CLDN10: variants seen among roughly 807,000 people sequenced by gnomAD.
The protein encoded by CLDN10 is claudin-10.
In CLDN10, 15 loss-of-function variants were observed where a neutral mutation model predicts 22.9. That is an observed-to-expected ratio of 0.65 (90% confidence interval 0.44 to 1.01). The LOEUF (loss-of-function observed/expected upper bound fraction) is 1.01. Among genes scored for constraint, CLDN10 ranks in the 50% least tolerant of loss-of-function variants. The probability of loss-of-function intolerance (pLI) is 0.00; values close to 1 mark genes in which losing one functional copy is unlikely to be tolerated. For synonymous variants in CLDN10, 114 were observed against 111.4 expected, an observed-to-expected ratio of 1.02 and a Z score of -0.15; for missense variants, 247 against 287.8, an observed-to-expected ratio of 0.86 and a Z score of 1.03.
chr13:95,513,806 A>T (rs2043132314), intron 1 of CLDN10, among the ~76,000 whole-genome samples: 1 of 152,222 alleles, frequency 6.6e-6, no homozygotes, highest in Non-Finnish European at 1.5e-5. Context: ...CTATAGAGAT[A>T]AACACAAAAA....
intron 3 of CLDN10, among the ~76,000 whole-genome samples, chr13:95,574,402 A>T (rs1259344706): frequency 6.6e-6 from 1 of 152,254 alleles, no homozygotes; most frequent in Non-Finnish European, 1.5e-5. Flanking sequence ...TTTGTCTCCA[A>T]CATAATTCAC....
intron 1 of CLDN10, among the ~76,000 whole-genome samples, chr13:95,520,521 C>T (rs112235153): frequency 0.023 from 3,440 of 152,126 alleles, 135 homozygotes; most frequent in African/African-American, 0.078. Flanking sequence ...TTACAGGTGC[C>T]GGCTTCCATG....
intron 1 of CLDN10, among the ~76,000 whole-genome samples, chr13:95,515,622 T>C (rs747015468): frequency 1.3e-4 from 20 of 152,156 alleles, no homozygotes; most frequent in Non-Finnish European, 1.9e-4. Flanking sequence ...CTGAAAAGTC[T>C]TGGATTCACC....
At chr13:95,530,755 C>T (rs2043333797) in intron 1 of CLDN10, among the ~76,000 whole-genome samples, 1 of 152,006 alleles carries the variant, frequency 6.6e-6, no homozygotes, top group Non-Finnish European at 1.5e-5. Flanking sequence ...ATTCACTGAT[C>T]TTTACAATAC....
At chr13:95,473,160 GGA>G (rs71207423) in intron 1 of CLDN10, among the ~76,000 whole-genome samples, 18,599 of 122,342 alleles carry the variant, frequency 0.15, 2,681 homozygotes, top group African/African-American at 0.42. Context: ...AAAAAAAAAA[GGA>G]GAGAGAGAGA....
intron 1 of CLDN10, among the ~76,000 whole-genome samples, chr13:95,489,288 A>G (rs771391005): frequency 8.6e-5 from 13 of 152,020 alleles, no homozygotes; most frequent in African/African-American, 1.2e-4. Flanking sequence ...ACTGTTTTCC[A>G]TAGTGGCTGT....
At chr13:95,567,903 G>A (rs1254283681) in intron 3 of CLDN10, among the ~76,000 whole-genome samples, 3 of 152,180 alleles carry the variant, frequency 2.0e-5, no homozygotes, top group Non-Finnish European at 4.4e-5. Context: ...CGTTGGTTCT[G>A]TTTATGTGAT....
At chr13:95,570,972 A>G (rs921543544) in intron 3 of CLDN10, among the ~76,000 whole-genome samples, 2 of 150,812 alleles carry the variant, frequency 1.3e-5, no homozygotes, top group Admixed American at 6.6e-5. Flanking sequence ...ACAATTTGTA[A>G]CATATTATGT....
At chr13:95,475,424 G>T (rs879678645) in intron 1 of CLDN10, among the ~76,000 whole-genome samples, 1 of 152,206 alleles carries the variant, frequency 6.6e-6, no homozygotes, top group Non-Finnish European at 1.5e-5. Context: ...GGGAGATGAG[G>T]CTCTGCAACC....
intron 1 of CLDN10, among the ~76,000 whole-genome samples, chr13:95,453,149 C>T (rs2042448473): frequency 1.3e-5 from 2 of 152,140 alleles, no homozygotes; most frequent in East Asian, 1.9e-4. Context: ...GGAACAAATG[C>T]TATTATCTTT....
chr13:95,507,495 C>T (rs528908603), intron 1 of CLDN10, among the ~76,000 whole-genome samples: 3 of 152,052 alleles, frequency 2.0e-5, no homozygotes, highest in African/African-American at 7.2e-5. Context: ...ATTATAAAGA[C>T]GATGTGGGGT....
chr13:95,570,144 G>A (rs1259139217), intron 3 of CLDN10, among the ~76,000 whole-genome samples: 1 of 152,196 alleles, frequency 6.6e-6, no homozygotes, highest in Non-Finnish European at 1.5e-5. Flanking sequence ...CCCTAAGGCA[G>A]CTCAGGACAG....
rs114628327 is a variant in CLDN10, at chr13:95,527,789, C to A, written c.215-32343C>A. Among the ~76,000 whole-genome samples the A allele has an allele frequency of 7.6e-4, 115 of 152,158 alleles. 1 individual carries two copies. Among genetic ancestry groups the A allele is most frequent in the African/African-American group, 2.6e-3 (110 of 41,510 alleles). ...TAAACAAAATTAAAAAACTCTGTGG[C>A]GAGTGTATATCATCTTATGGTGAAA... On this transcript the variant is annotated intron_variant, in intron 1 of 4. Coordinates refer to the CLDN10 transcript ENST00000376873.
exon 1 of CLDN10, chr13:95,433,795 G>T: frequency 6.2e-7 from 1 of 1,608,374 alleles, no homozygotes; most frequent in East Asian, 2.2e-5. Flanking sequence ...CCACCAAAGC[G>T]TTCTGACCGG....
chr13:95,547,116 G>A (rs1306944743), intron 1 of CLDN10, among the ~76,000 whole-genome samples: 1 of 150,670 alleles, frequency 6.6e-6, no homozygotes, highest in East Asian at 2.0e-4. Context: ...GAACTCCTAG[G>A]CTCAAGTGAT....
rs745770511 is a variant in CLDN10 at position 95,560,459 on chromosome 13, CA to C, written c.464del (p.Lys155SerfsTer4). 1 of 1,610,068 alleles carries C rather than the reference CA, an allele frequency of 6.2e-7. No individual in the cohort carries two copies. Among genetic ancestry groups the C allele is most frequent in the Non-Finnish European group, 8.5e-7 (1 of 1,176,402 alleles). ...TEFFDPLFVE[Q>X]KYELGAALFI... ...ATTCTTTGATCCTCTCTTTGTTGAG[CA>C]AAAGTAAGTACTCTTCTCAGTCTGT... is the stretch of plus-strand genomic sequence containing the variant. On this transcript the variant is annotated frameshift_variant, in exon 3 of 5. Coordinates refer to ENST00000299339, the MANE Select transcript of CLDN10 (RefSeq NM_006984.5). LOFTEE classifies it high-confidence loss of function.
chr13:95,531,413 C>T (rs972250555), intron 1 of CLDN10, among the ~76,000 whole-genome samples: 2 of 152,100 alleles, frequency 1.3e-5, no homozygotes, highest in African/African-American at 2.4e-5. Context: ...AGCCATAGGG[C>T]ATCAATTTTT....
upstream of CLDN10, among the ~76,000 whole-genome samples, chr13:95,548,444 G>T (rs2043532017): frequency 6.6e-6 from 1 of 152,112 alleles, no homozygotes; most frequent in Non-Finnish European, 1.5e-5. Flanking sequence ...GTTGCCAAAT[G>T]ACAGAATAAG....
chr13:95,471,453 A>ATTTTTTT (rs1555289822), intron 1 of CLDN10, among the ~76,000 whole-genome samples: 2 of 106,390 alleles, frequency 1.9e-5, no homozygotes, highest in African/African-American at 4.0e-5. Context: ...ATATATATAT[A>ATTTTTTT]TTTTTTTTTT....
Sources: gnomAD v4.1 joint callset for allele counts (sites outside exome capture counted in the v4.1 genomes callset) on GRCh38, gnomAD v4.1.1 for gene constraint, MANE v1.5 for transcripts, NCBI Gene and HGNC (gene_info 2026-07-23, HGNC 2026-07-21) for gene names.